The following PAQR3 variants were observed in gnomAD, a reference collection of about 807,000 sequenced individuals.
PAQR3 encodes Raf kinase trapping to Golgi.
In PAQR3, 39 loss-of-function variants were observed where a neutral mutation model predicts 41.7. That is an observed-to-expected ratio of 0.93 (90% CI 0.72 to 1.22). PAQR3 has a LOEUF of 1.22. Ranked by LOEUF, PAQR3 falls within the 50% of genes most tolerant of loss-of-function variation. The pLI, the probability that PAQR3 is intolerant of heterozygous loss-of-function variation, is 0.00. For missense variants in PAQR3, 366 were observed against 385.6 expected, an observed-to-expected ratio of 0.95 and a Z score of 0.42; for synonymous variants, 140 against 140.6, an observed-to-expected ratio of 1.00 and a Z score of 0.03.
intron 11 of PAQR3, among the ~76,000 whole-genome samples, chr4:78,896,447 C>G (rs1296651872): frequency 6.6e-6 from 1 of 152,222 alleles, no homozygotes; most frequent in Non-Finnish European, 1.5e-5. Context: ...CACCTACTTG[C>G]TGTGTGTATC....
chr4:78,923,543 G>A, intron 5 of PAQR3: 1 of 334,786 alleles, frequency 3.0e-6, no homozygotes, highest in South Asian at 3.8e-5. Flanking sequence ...GAAGTAAATG[G>A]TAGTTGACGG....
chr4:78,910,693 C>A (rs188481381), downstream of PAQR3: 2 of 1,611,086 alleles, frequency 1.2e-6, no homozygotes, highest in Admixed American at 3.4e-5. Context: ...TAAAACAAGT[C>A]CAGCATCTAA....
intron 11 of PAQR3, among the ~76,000 whole-genome samples, chr4:78,888,393 A>T (rs184154863): frequency 0.012 from 1,797 of 152,346 alleles, 19 homozygotes; most frequent in Non-Finnish European, 0.018. Context: ...AAATTATAAT[A>T]ACTCAAAATA....
At chr4:78,936,886 A>T (rs1737482695) in intron 1 of PAQR3, among the ~76,000 whole-genome samples, 1 of 152,188 alleles carries the variant, frequency 6.6e-6, no homozygotes. Flanking sequence ...ATTACATCCA[A>T]AATCTGTCCC....
intron 2 of PAQR3, chr4:78,930,527 C>A (rs918567255): frequency 2.6e-6 from 1 of 384,356 alleles, no homozygotes; most frequent in Admixed American, 4.4e-5. Flanking sequence ...AGCCTCAGTT[C>A]CCTCATGGGT....
rs1329405000 is a variant in PAQR3 at position 78,917,941 on chromosome 4, AT to A, written c.*2597del. ...AGAATGACAAGCAGCAGTTAAAAAT[AT>A]TTAGTAAACCCAGTTTATTTACATA... is the stretch of plus-strand genomic sequence containing the variant. On this transcript the variant is annotated 3_prime_UTR_variant, in exon 6 of 6. Transcript: ENST00000512733. The A allele has an allele frequency of 1.0e-6, 1 of 984,390 alleles. No individual in the cohort carries two copies. The highest frequency in any genetic ancestry group is 1.7e-5 in the African/African-American group (1 of 57,198). The allele number at this position is 984,390 out of a possible 1,614,324, so 61.0% of individuals were successfully genotyped here.
At chr4:78,929,181 A>C (rs1199403078) in intron 3 of PAQR3, among the ~76,000 whole-genome samples, 4 of 152,186 alleles carry the variant, frequency 2.6e-5, no homozygotes, top group Non-Finnish European at 4.4e-5. Context: ...CACCTGTTAC[A>C]TGGTGGGCCT....
Position 78,918,694 on chromosome 4 carries a change from T to G in PAQR3, c.*1845A>C. 1.0e-6 allele frequency: 1 copy of G among 963,424 alleles called. No individual in the cohort carries two copies. Among genetic ancestry groups the G allele is most frequent in the Non-Finnish European group, 1.2e-6 (1 of 809,962 alleles). 59.7% of individuals were successfully genotyped at this position (963,424 alleles called of 1,614,324 possible). On this transcript the variant is annotated 3_prime_UTR_variant, in exon 6 of 6. Coordinates refer to ENST00000512733, the MANE Select transcript of PAQR3 (RefSeq NM_001040202.2). ...CAGGGACTGCAAAAATTGAAATGAT[T>G]CAATGTTTTTTTATTTTGAGAAAGT...
In PAQR3 at chr4:78,922,948, G is replaced by A. The variant is rs1367279568; in HGVS notation, c.793+909C>T. 24 of 455,988 alleles carry A rather than the reference G, an allele frequency of 5.3e-5. No homozygotes were observed. The Admixed American group carries it at 5.6e-4, about 11-fold the overall frequency. The allele number at this position is 455,988 out of a possible 1,614,324, so 28.2% of individuals were successfully genotyped here. A position where few individuals can be genotyped will look rare whatever the true frequency, so the allele number is the denominator to read the frequency against. ...TGGAGACTGTTGTTCACTCCACCCA[G>A]TGTCCTCTTAGTTATTTTCCATCTG... On this transcript the variant is annotated intron_variant, in intron 5 of 5. Transcript: ENST00000512733.
chr4:78,887,350 A>T, intron 12 of PAQR3: 1 of 1,192,932 alleles, frequency 8.4e-7, no homozygotes. Flanking sequence ...GCAAAATCTT[A>T]TAAAGTGGAA....
At chr4:78,887,192 C>A in exon 13 of PAQR3, 1 of 1,607,558 alleles carries the variant, frequency 6.2e-7, no homozygotes, top group Non-Finnish European at 8.5e-7. Flanking sequence ...GAGGAGAGAG[C>A]ATCCTCAGAT....
chr4:78,907,421 T>C (rs1734340996), downstream of PAQR3, among the ~76,000 whole-genome samples: 1 of 152,196 alleles, frequency 6.6e-6, no homozygotes. Flanking sequence ...CGAATTTAAA[T>C]TCACTTCCAA....
intron 3 of PAQR3, among the ~76,000 whole-genome samples, chr4:78,928,876 C>T (rs939715183): frequency 1.8e-4 from 28 of 152,224 alleles, no homozygotes; most frequent in African/African-American, 6.5e-4. Flanking sequence ...TGCAACTAGA[C>T]GGTCCCCCTC....
At chr4:78,909,069 T>C (rs1734434968), downstream of PAQR3, among the ~76,000 whole-genome samples, 3 of 148,956 alleles carry the variant, frequency 2.0e-5, no homozygotes, top group South Asian at 6.5e-4. Context: ...TTTTTTTTTT[T>C]TTTTTTTTTT....
chr4:78,929,629 G>C (rs1017859862), intron 3 of PAQR3, among the ~76,000 whole-genome samples: 1 of 152,208 alleles, frequency 6.6e-6, no homozygotes, highest in Non-Finnish European at 1.5e-5. Context: ...ATTTGTTAAA[G>C]ACACTGACTC....
At chr4:78,906,221 G>C (rs1353320382) in intron 10 of PAQR3, 1 of 152,078 alleles carries the variant, frequency 6.6e-6, no homozygotes, top group East Asian at 1.9e-4. Flanking sequence ...CCTCATTACT[G>C]CTCTTTACTT....
chr4:78,928,499 T>A (rs62308006), intron 3 of PAQR3, among the ~76,000 whole-genome samples: 1 of 152,228 alleles, frequency 6.6e-6, no homozygotes, highest in African/African-American at 2.4e-5. Flanking sequence ...GATTTTTCTC[T>A]TCACTAATTT....
At chr4:78,902,257 C>T (rs560411664) in intron 11 of PAQR3, among the ~76,000 whole-genome samples, 1 of 152,196 alleles carries the variant, frequency 6.6e-6, no homozygotes, top group East Asian at 1.9e-4. Context: ...AAACCCTATT[C>T]TGTAAATAGC....
At chr4:78,933,616 TGTAC>T (rs1476416483) in intron 2 of PAQR3, among the ~76,000 whole-genome samples, 2 of 152,196 alleles carry the variant, frequency 1.3e-5, no homozygotes, top group Non-Finnish European at 2.9e-5. Flanking sequence ...TTTAGTAAGT[TGTAC>T]AGCATGTATT....
Sources: gnomAD v4.1 joint callset for allele counts (sites outside exome capture counted in the v4.1 genomes callset) on GRCh38, gnomAD v4.1.1 for gene constraint, MANE v1.5 for transcripts, NCBI Gene and HGNC (gene_info 2026-07-23, HGNC 2026-07-21) for gene names.